The following NBPF8 variants were observed in gnomAD, a reference collection of about 807,000 sequenced individuals.
The protein encoded by NBPF8 is NBPF member 8.
intron 20 of NBPF8, among the ~76,000 whole-genome samples, 193 bp downstream of exon 18, chr1:120,462,390 A>G (rs1661616728): frequency 6.7e-6 from 1 of 148,638 alleles, no homozygotes; most frequent in Non-Finnish European, 1.5e-5. Context: ...TTACTAACTT[A>G]CTATAGGTTG....
upstream of NBPF8, among the ~76,000 whole-genome samples, chr1:120,416,843 A>C (rs1468534412): frequency 2.0e-5 from 3 of 151,064 alleles, no homozygotes; most frequent in Non-Finnish European, 2.9e-5. Flanking sequence ...GATGCCTGTC[A>C]GTTAAAAATT....
In NBPF8 at chr1:120,465,927, G is replaced by C. The variant is rs1253252321; in HGVS notation, n.3569-51G>C. 3 of 1,611,556 alleles carry C rather than the reference G, an allele frequency of 1.9e-6. No homozygotes were observed. In the African/African-American group the frequency reaches 4.0e-5, roughly 22 times the overall value. On this transcript the variant is annotated intron_variant and non_coding_transcript_variant, in intron 24 of 24. Coordinates refer to ENST00000583271, the Ensembl canonical transcript of NBPF8. ...TACTTCTGAAATCTAGTGGGGCTCT[G>C]TGGTGTCTGATTTTCCCTGGCTGCT...
chr1:120,456,081 G>A lies in NBPF8; in HGVS notation n.2620+621G>A, dbSNP rs1661428171. Among the ~76,000 whole-genome samples the A allele has an allele frequency of 5.3e-5, 8 of 152,108 alleles. No individual in the cohort carries two copies. In the South Asian group the frequency reaches 1.7e-3, roughly 32 times the overall value. On this transcript the variant is annotated intron_variant and non_coding_transcript_variant, in intron 16 of 24. Transcript: ENST00000583271. ...AGTTTCCATGTAGTTGTGCGGTTTT[G>A]AGTGAGTTTCTTAATCCTGAGTTCT... is the stretch of plus-strand genomic sequence containing the variant.
At chr1:120,464,236 G>A (rs1406932565) in intron 22 of NBPF8, 140 bp from the exon 21 acceptor site, 2 of 605,382 alleles carry the variant, frequency 3.3e-6, no homozygotes, top group East Asian at 2.7e-5. Flanking sequence ...CCAACATGAA[G>A]GCAATAATTT....
chr1:120,428,717 C>T (rs1178457937), intron 3 of NBPF8, among the ~76,000 whole-genome samples: 2 of 151,216 alleles, frequency 1.3e-5, no homozygotes, highest in African/African-American at 2.5e-5. Context: ...CTTCTATTCT[C>T]TTGCACGTTC....
At chr1:120,422,962 T>C (rs1376254596) in intron 1 of NBPF8, among the ~76,000 whole-genome samples, 50 of 2,524 alleles carry the variant, frequency 0.02, 2 homozygotes, top group African/African-American at 0.13. Flanking sequence ...CTTTCACCTT[T>C]TTTTTTTTTT....
intron 3 of NBPF8, among the ~76,000 whole-genome samples, chr1:120,428,754 C>T (rs12090280): frequency 0.21 from 30,872 of 145,722 alleles, 4,132 homozygotes; most frequent in East Asian, 0.68. Context: ...TCTGTGTACT[C>T]TTCAACCCAT....
At chr1:120,459,697 G>A (rs1411518246) in intron 17 of NBPF8, among the ~76,000 whole-genome samples, 167 bp downstream of exon 15, 2 of 151,756 alleles carry the variant, frequency 1.3e-5, no homozygotes, top group Admixed American at 6.6e-5. Flanking sequence ...CTGAAGCACA[G>A]GCATGGGGTG....
intron 13 of NBPF8, among the ~76,000 whole-genome samples, chr1:120,452,698 CAG>C (rs1661315973): frequency 6.6e-6 from 1 of 152,246 alleles, no homozygotes; most frequent in Non-Finnish European, 1.5e-5. Flanking sequence ...TAGTAACTGT[CAG>C]AGAGTGAATG....
At chr1:120,431,418 A>G (rs1660875488), upstream of NBPF8, among the ~76,000 whole-genome samples, 1 of 85,888 alleles carries the variant, frequency 1.2e-5, no homozygotes, top group South Asian at 2.9e-4. Context: ...ACACACACAC[A>G]CATATATATA....
At chr1:120,420,354 G>C (rs1660539627) in intron 1 of NBPF8, among the ~76,000 whole-genome samples, 1 of 147,374 alleles carries the variant, frequency 6.8e-6, no homozygotes, top group African/African-American at 2.6e-5. Flanking sequence ...AGAGGACAGT[G>C]TTCTCTCCAG....
intron 3 of NBPF8, among the ~76,000 whole-genome samples, chr1:120,428,390 C>A (rs1210681006): frequency 6.6e-6 from 1 of 152,088 alleles, no homozygotes; most frequent in Non-Finnish European, 1.5e-5. Flanking sequence ...GCCAGAGGAA[C>A]ATTTGGAGGT....
chr1:120,420,455 C>T (rs201187209), intron 1 of NBPF8, among the ~76,000 whole-genome samples: 3,237 of 146,166 alleles, frequency 0.022, 31 homozygotes, highest in African/African-American at 0.034. Context: ...CTCTTGTTTC[C>T]ACCCTGCCGT....
chr1:120,461,270 C>T, exon 19 of NBPF8: 4 of 672,712 alleles, frequency 5.9e-6, no homozygotes, highest in South Asian at 4.4e-5. Context: ...CAGGGAGCTG[C>T]TGGATGAGAA....
At chr1:120,422,959 C>CTTT (rs1331878314) in intron 1 of NBPF8, among the ~76,000 whole-genome samples, 1 of 61,732 alleles carries the variant, frequency 1.6e-5, no homozygotes, top group African/African-American at 1.0e-4. Context: ...GATCTTTCAC[C>CTTT]TTTTTTTTTT....
upstream of NBPF8, among the ~76,000 whole-genome samples, chr1:120,434,374 G>GGTATATAT (rs1661010077): frequency 2.8e-5 from 4 of 143,362 alleles, no homozygotes; most frequent in Admixed American, 2.8e-4. Flanking sequence ...CGTGTATACA[G>GGTATATAT]GTATATATGT....
At chr1:120,416,208 C>CT (rs1570920529), upstream of NBPF8, among the ~76,000 whole-genome samples, 1 of 147,156 alleles carries the variant, frequency 6.8e-6, no homozygotes, top group East Asian at 2.0e-4. Flanking sequence ...ACCAGAAGCT[C>CT]TTTTTTTCTG....
At chr1:120,415,421 C>T (rs1269243361), upstream of NBPF8, among the ~76,000 whole-genome samples, 17 of 152,174 alleles carry the variant, frequency 1.1e-4, no homozygotes, top group East Asian at 1.6e-3. Context: ...GTTCCGGCCC[C>T]GCCGGGGCTT....
chr1:120,468,354 A>AGAG (rs1226972644), downstream of NBPF8, among the ~76,000 whole-genome samples: 1 of 151,498 alleles, frequency 6.6e-6, no homozygotes. Flanking sequence ...CATCCTTAAC[A>AGAG]GAGTCCTCAT....
Sources: gnomAD v4.1 joint callset for allele counts (sites outside exome capture counted in the v4.1 genomes callset) on GRCh38, gnomAD v4.1.1 for gene constraint, MANE v1.5 for transcripts, NCBI Gene and HGNC (gene_info 2026-07-23, HGNC 2026-07-21) for gene names.